Variants in PTPRM observed in about 807,000 individuals in gnomAD.
The protein encoded by PTPRM is receptor-type tyrosine-protein phosphatase mu.
A neutral mutation model predicts 186.7 loss-of-function variants in PTPRM; 47 were observed. The ratio of observed to expected loss-of-function variants is 0.25; its 90% CI spans 0.20 to 0.32. The LOEUF (loss-of-function observed/expected upper bound fraction) is 0.32. Among genes scored for constraint, PTPRM ranks in the 10% least tolerant of loss-of-function variants. PTPRM has a pLI of 1.00. For missense variants in PTPRM, 1,494 were observed against 1,865.0 expected (o/e 0.80, Z 3.66); for synonymous variants, 668 against 674.9 (o/e 0.99, Z 0.16).
intron 20 of PTPRM, among the ~76,000 whole-genome samples, chr18:8,297,018 G>A (rs907748014): frequency 2.6e-5 from 4 of 152,218 alleles, no homozygotes; most frequent in Non-Finnish European, 4.4e-5. Flanking sequence ...TTACCAACCC[G>A]TAATGCCTTG....
chr18:8,225,179 A>G (rs765191885), intron 14 of PTPRM, among the ~76,000 whole-genome samples: 16 of 152,200 alleles, frequency 1.1e-4, no homozygotes, highest in Non-Finnish European at 2.2e-4. Flanking sequence ...CAGTTCATAT[A>G]GGAAACTCAA....
At chr18:7,781,586 C>G (rs2042856327) in intron 2 of PTPRM, among the ~76,000 whole-genome samples, 1 of 152,078 alleles carries the variant, frequency 6.6e-6, no homozygotes, top group Admixed American at 6.5e-5. Flanking sequence ...GGTGGCCTTC[C>G]AGCCCATACC....
intron 28 of PTPRM, 71 bp downstream of exon 28, chr18:8,379,411 T>C: frequency 7.2e-7 from 1 of 1,392,842 alleles, no homozygotes; most frequent in South Asian, 1.6e-5. Context: ...GGCTTGGGTC[T>C]TCCCCATTCT....
chr18:8,399,976 T>A (rs2095863668), intron 32 of PTPRM: 1 of 152,250 alleles, frequency 6.6e-6, no homozygotes, highest in African/African-American at 2.4e-5. Flanking sequence ...GCTGGGTTGA[T>A]TTGTTACTGA....
Position 8,080,752 on chromosome 18 carries a change from C to T in PTPRM, c.1551+4188C>T, listed in dbSNP as rs149071791. Among the ~76,000 whole-genome samples the T allele has an allele frequency of 3.2e-4, 49 of 152,250 alleles. No homozygotes were observed. The East Asian group carries it at 9.3e-3, about 29-fold the overall frequency. The stretch of plus-strand genomic sequence containing the variant: ...ATACTCAAGGGCTTCTGTGATCCAA[C>T]CCAAATCTATATTTATAACGCCATC... On this transcript the variant is annotated intron_variant, in intron 9 of 32. Coordinates refer to ENST00000580170, the MANE Select transcript of PTPRM (RefSeq NM_001105244.2).
chr18:8,102,794 A>T (rs546724018), intron 11 of PTPRM, among the ~76,000 whole-genome samples: 1 of 152,206 alleles, frequency 6.6e-6, no homozygotes, highest in Non-Finnish European at 1.5e-5. Flanking sequence ...ACCCCTTTCC[A>T]TTGACTTTGA....
intron 7 of PTPRM, among the ~76,000 whole-genome samples, chr18:8,035,489 T>C (rs2148108850): frequency 6.6e-6 from 1 of 152,312 alleles, no homozygotes; most frequent in African/African-American, 2.4e-5. Flanking sequence ...AAGCCATCTC[T>C]AGATTGTATA....
intron 19 of PTPRM, among the ~76,000 whole-genome samples, chr18:8,278,521 G>A (rs1449887198): frequency 1.3e-5 from 2 of 152,282 alleles, no homozygotes; most frequent in East Asian, 3.9e-4. Context: ...AGGGATTGCT[G>A]CAGTCGTCAG....
At chr18:7,732,329 C>T (rs1287647979) in intron 1 of PTPRM, among the ~76,000 whole-genome samples, 1 of 152,136 alleles carries the variant, frequency 6.6e-6, no homozygotes, top group Non-Finnish European at 1.5e-5. Context: ...CCACATGATA[C>T]TTCTACTTCC....
chr18:7,685,921 C>A (rs2039591763), intron 1 of PTPRM, among the ~76,000 whole-genome samples: 1 of 152,072 alleles, frequency 6.6e-6, no homozygotes, highest in Non-Finnish European at 1.5e-5. Flanking sequence ...TAAAATTGGA[C>A]TGCAGTTCAC....
chr18:7,983,661 T>C lies in PTPRM; in HGVS notation c.1132+28247T>C, dbSNP rs534262708. 2.0e-5 allele frequency among the ~76,000 whole-genome samples: 3 copies of C among 152,294 alleles called. No individual in the cohort carries two copies. The South Asian group carries it at 6.2e-4, about 32-fold the overall frequency. ...TTTTAAACATTTAAGTAACTGCTCCTAGTTCTGTCTCAATCAGAACTAGGA... is the reference window on the plus strand; with the variant it reads ...TTTTAAACATTTAAGTAACTGCTCCCAGTTCTGTCTCAATCAGAACTAGGA... On this transcript the variant is annotated intron_variant, in intron 7 of 32. Transcript: ENST00000580170.
At chr18:7,831,490 T>C (rs2045757530) in intron 2 of PTPRM, among the ~76,000 whole-genome samples, 1 of 152,168 alleles carries the variant, frequency 6.6e-6, no homozygotes, top group South Asian at 2.1e-4. Flanking sequence ...TTTTAAAAAT[T>C]GTTATGGTAC....
rs147664291 is a variant in PTPRM, at chr18:7,634,203, G to A, written c.73+66312G>A. ...TTTGTTTTAGTTGGCTGTATCCTCC[G>A]TGAGAATGTTCATTCCATAAAGAAC... On this transcript the variant is annotated intron_variant, in intron 1 of 32. Coordinates refer to ENST00000580170, the MANE Select transcript of PTPRM (RefSeq NM_001105244.2). Among the ~76,000 whole-genome samples the A allele has an allele frequency of 2.0e-4, 30 of 152,028 alleles. No homozygotes were observed. In the South Asian group the frequency reaches 2.1e-3, roughly 11 times the overall value.
chr18:7,709,206 A>G (rs950163744), intron 1 of PTPRM, among the ~76,000 whole-genome samples: 5 of 152,304 alleles, frequency 3.3e-5, no homozygotes, highest in African/African-American at 9.6e-5. Context: ...AATCATATCA[A>G]TTATCTTCTC....
chr18:7,949,121 C>G, intron 5 of PTPRM, 60 bp from the exon 6 acceptor site: 2 of 1,441,340 alleles, frequency 1.4e-6, no homozygotes, highest in Non-Finnish European at 1.9e-6. Flanking sequence ...GGGTGTCTGA[C>G]TGTTTTGCTC....
At chr18:7,858,835 T>C (rs1051177261) in intron 2 of PTPRM, among the ~76,000 whole-genome samples, 1 of 152,196 alleles carries the variant, frequency 6.6e-6, no homozygotes, top group Non-Finnish European at 1.5e-5. Context: ...AGTTAGTATG[T>C]TGATACCAAG....
chr18:8,219,359 C>G (rs142261364), intron 14 of PTPRM, among the ~76,000 whole-genome samples: 1 of 151,628 alleles, frequency 6.6e-6, no homozygotes, highest in African/African-American at 2.4e-5. Context: ...CCCAGCTACT[C>G]GGGAGGCTGA....
intron 2 of PTPRM, among the ~76,000 whole-genome samples, chr18:7,821,621 T>C (rs75437321): frequency 0.035 from 5,392 of 151,948 alleles, 276 homozygotes; most frequent in African/African-American, 0.11. Flanking sequence ...ACAGAAAGAG[T>C]TGAACAACAA....
At chr18:8,246,238 G>A (rs1277416396) in intron 15 of PTPRM, among the ~76,000 whole-genome samples, 1 of 152,156 alleles carries the variant, frequency 6.6e-6, no homozygotes, top group Non-Finnish European at 1.5e-5. Context: ...GACAAGTGTG[G>A]GTATGCATGA....
Sources: allele counts gnomAD v4.1 joint callset (sites outside exome capture counted in the v4.1 genomes callset), GRCh38; gene constraint gnomAD v4.1.1; transcripts MANE v1.5; gene names NCBI Gene and HGNC (gene_info 2026-07-23, HGNC 2026-07-21).